Variants in DMD observed in about 807,000 individuals in gnomAD.
DMD encodes dystrophin.
In DMD, 63 loss-of-function variants were observed where a neutral mutation model predicts 330.1. That is an observed-to-expected ratio of 0.19 (90% CI 0.16 to 0.24). The LOEUF (loss-of-function observed/expected upper bound fraction) is 0.24. Among genes scored for constraint, DMD ranks in the 10% least tolerant of loss-of-function variants. The pLI, the probability that DMD is intolerant of heterozygous loss-of-function variation, is 1.00. For missense variants in DMD, 3,344 were observed against 2,684.1 expected, an observed-to-expected ratio of 1.25 and a Z score of -5.43; for synonymous variants, 1,223 against 959.8, an observed-to-expected ratio of 1.27 and a Z score of -5.07.
In DMD at chrX:32,485,734, C is replaced by CTTTTTTTTTTTTTTTTTTTTTTTT. The variant is rs5902034; in HGVS notation, c.2623-659_2623-636dup. ...CTCCTGACCAAACAGGCAACCACTG[C>CTTTTTTTTTTTTTTTTTTTTTTTT]TTTTTTTTTTTTTTTTTTTTTTTTT... is the stretch of plus-strand genomic sequence containing the variant. On this transcript the variant is annotated intron_variant, in intron 20 of 78. Transcript: ENST00000357033. Among the ~76,000 whole-genome samples the CTTTTTTTTTTTTTTTTTTTTTTTT allele has an allele frequency of 1.9e-4, 7 of 36,149 alleles. 3 individuals carry two copies. The highest frequency in any genetic ancestry group is 3.3e-4 in the Non-Finnish European group (7 of 21,467). The allele number at this position is 36,149 out of a possible 115,157, so 31.4% of individuals were successfully genotyped here.
chrX:31,957,938 C>T (rs1050718896), intron 45 of DMD, among the ~76,000 whole-genome samples: 1 of 110,857 alleles, frequency 9.0e-6, no homozygotes, highest in East Asian at 2.8e-4. Flanking sequence ...TAGTGTATTC[C>T]TTTTTTGGAG....
Position 31,449,791 on chromosome X carries a change from T to TAGATAG in DMD, c.8938-5165_8938-5164insCTATCT, listed in dbSNP as rs1164127132. 4.4e-3 allele frequency among the ~76,000 whole-genome samples: 391 copies of TAGATAG among 88,214 alleles called. 1 individual carries two copies. Among genetic ancestry groups the TAGATAG allele is most frequent in the East Asian group, 0.029 (81 of 2,765 alleles). 76.6% of individuals were successfully genotyped at this position (88,214 alleles called of 115,157 possible). A position where few individuals can be genotyped will look rare whatever the true frequency, so the allele number is the denominator to read the frequency against. On this transcript the variant is annotated intron_variant, in intron 59 of 78. Transcript: ENST00000357033. ...ATATATATATATATATATATATATATATATATAGATAGATAGATAGATAGA... is the reference window on the plus strand; with the variant it reads ...ATATATATATATATATATATATATATAGATAGATATATAGATAGATAGATAGATAGA...
intron 4 of DMD, among the ~76,000 whole-genome samples, chrX:32,826,906 C>A (rs1486205252): frequency 9.0e-6 from 1 of 110,600 alleles, no homozygotes; most frequent in Non-Finnish European, 1.9e-5. Flanking sequence ...TTGAAGCATT[C>A]CACAACATCT....
At position 33,000,991 on chromosome X, in the gene DMD, A is replaced by G. The variant is rs752523564; in HGVS notation, c.93+19148T>C. ...ATTATAAATTTACTGTGCGCTAGGC[A>G]CTCTAATTATTCCATTGTTTATTAT... On this transcript the variant is annotated intron_variant, in intron 2 of 78. Coordinates refer to ENST00000357033, the MANE Select transcript of DMD (RefSeq NM_004006.3). Among the ~76,000 whole-genome samples the G allele has an allele frequency of 2.7e-5, 3 of 111,055 alleles. No homozygotes were observed. In the South Asian group the frequency reaches 1.1e-3, roughly 42 times the overall value.
Position 32,188,658 on chromosome X carries a change from A to C in DMD, c.6438+28258T>G, listed in dbSNP as rs150974227. ...CTGTGGTTTTGATCACAATTACTTC[A>C]AAGTATAGTAGAAATCTGGAAGTGT... On this transcript the variant is annotated intron_variant, in intron 44 of 78. Transcript: ENST00000357033. 5.8e-3 allele frequency among the ~76,000 whole-genome samples: 634 copies of C among 108,808 alleles called. 7 individuals carry two copies. The highest frequency in any genetic ancestry group is 0.02 in the African/African-American group (613 of 30,077). 94.5% of individuals were successfully genotyped at this position (108,808 alleles called of 115,157 possible).
intron 67 of DMD, among the ~76,000 whole-genome samples, chrX:31,194,941 T>G (rs757273704): frequency 1.8e-5 from 2 of 111,947 alleles, no homozygotes; most frequent in South Asian, 7.5e-4. Flanking sequence ...CTAGATGTGC[T>G]TTTCCTAGAT....
At chrX:32,683,478 T>C (rs113884034) in intron 9 of DMD, among the ~76,000 whole-genome samples, 4,191 of 108,055 alleles carry the variant, frequency 0.039, 240 homozygotes, top group African/African-American at 0.14. Context: ...AAAGGATGAG[T>C]TCATGTCCTT....
At chrX:32,624,289 T>C (rs998994405) in intron 11 of DMD, among the ~76,000 whole-genome samples, 1 of 111,369 alleles carries the variant, frequency 9.0e-6, no homozygotes, top group Non-Finnish European at 1.9e-5. Flanking sequence ...TAGAATAAAG[T>C]AGTATAGGGC....
At chrX:32,910,022 A>T (rs1461167698) in intron 2 of DMD, among the ~76,000 whole-genome samples, 1 of 109,429 alleles carries the variant, frequency 9.1e-6, no homozygotes, top group African/African-American at 3.5e-5. Flanking sequence ...ATACATAGAC[A>T]GGACACATTG....
rs144718274 is a variant in DMD, at chrX:32,343,274, G to C, written c.5599C>G (p.Gln1867Glu). The part of the protein sequence containing the change: ...KHNALKDLRS[Q>E]RRKKALEISH... ...ATTTCTAGAGCCTTTTTTCTTCTTTGAGACCTCAAATCCTGTTCATGGTGC... is the reference window on the plus strand; with the variant it reads ...ATTTCTAGAGCCTTTTTTCTTCTTTCAGACCTCAAATCCTGTTCATGGTGC... The change falls in exon 40 of 79, where the codon CAA (glutamine) becomes GAA (glutamate). Residue 1867 changes from glutamine (Q) to glutamate (E), a missense_variant. By Grantham distance (29) the Gln-to-Glu change is conservative (BLOSUM62 2). Coordinates refer to ENST00000357033, the MANE Select transcript of DMD (RefSeq NM_004006.3). 66 of 1,203,454 alleles carry C rather than the reference G, an allele frequency of 5.5e-5. No homozygotes were observed. Among genetic ancestry groups the C allele is most frequent in the Non-Finnish European group, 7.1e-5 (63 of 890,626 alleles).
intron 7 of DMD, among the ~76,000 whole-genome samples, chrX:32,736,022 C>G (rs1337053586): frequency 5.4e-5 from 6 of 111,469 alleles, no homozygotes; most frequent in South Asian, 3.8e-4. Flanking sequence ...ACTCATCTGA[C>G]AAAGGGCTAA....
rs751863904 is a variant in DMD, at chrX:32,651,397, C to T, written c.961-6245G>A. Reference sequence around the variant, plus strand: ...ACCTCAGGTCATCCGCCCACCTCAGCCTCCCAAAGTGCTGGGATTACAGGT... The same window carrying T: ...ACCTCAGGTCATCCGCCCACCTCAGTCTCCCAAAGTGCTGGGATTACAGGT... On this transcript the variant is annotated intron_variant, in intron 9 of 78. Coordinates refer to ENST00000357033, the MANE Select transcript of DMD (RefSeq NM_004006.3). Among the ~76,000 whole-genome samples the T allele has an allele frequency of 8.9e-5, 10 of 111,885 alleles. No homozygotes were observed. In the South Asian group the frequency reaches 1.5e-3, roughly 17 times the overall value.
intron 29 of DMD, among the ~76,000 whole-genome samples, chrX:32,413,516 T>C (rs1011718213): frequency 1.8e-5 from 2 of 109,892 alleles, no homozygotes; most frequent in African/African-American, 3.3e-5. Flanking sequence ...TCTCTCTCTC[T>C]CCATTGTCTT....
intron 59 of DMD, among the ~76,000 whole-genome samples, chrX:31,451,183 CTTCTTTCT>C (rs374273651): frequency 2.2e-5 from 2 of 92,191 alleles, no homozygotes; most frequent in Non-Finnish European, 4.3e-5. Flanking sequence ...ATACAGGAGA[CTTCTTTCT>C]TTCTTTCTTT....
upstream of DMD, among the ~76,000 whole-genome samples, chrX:33,212,782 C>A (rs887647492): frequency 8.9e-6 from 1 of 111,744 alleles, no homozygotes; most frequent in African/African-American, 3.2e-5. Flanking sequence ...ACATTCTTTT[C>A]CCTAGGTCAC....
At chrX:31,122,220 A>G (rs1162317246) in intron 78 of DMD, among the ~76,000 whole-genome samples, 2 of 112,315 alleles carry the variant, frequency 1.8e-5, no homozygotes, top group African/African-American at 6.5e-5. Flanking sequence ...TCCCAATGTA[A>G]ATATATATCA....
In DMD at chrX:31,627,301, C is replaced by T. The variant is rs771959563; in HGVS notation, c.8217+372G>A. On this transcript the variant is annotated intron_variant, in intron 55 of 78. Transcript: ENST00000357033. ...AGTTAGCAACGCTAAATAAAACAGACAATTCATACAGATGCTTTCCCTGTA... is the reference window on the plus strand; with the variant it reads ...AGTTAGCAACGCTAAATAAAACAGATAATTCATACAGATGCTTTCCCTGTA... Among the ~76,000 whole-genome samples, 35 of 112,786 alleles carry T rather than the reference C, an allele frequency of 3.1e-4. 1 individual carries two copies. Among genetic ancestry groups the T allele is most frequent in the Admixed American group, 9.4e-5 (1 of 10,660 alleles).
chrX:33,116,011 T>A (rs1166566935), intron 1 of DMD, among the ~76,000 whole-genome samples: 2 of 105,340 alleles, frequency 1.9e-5, no homozygotes, highest in African/African-American at 7.0e-5. Context: ...CTGGCCCACA[T>A]GGTGAAACCC....
chrX:32,548,151 CTAA>C (rs2049161593), intron 16 of DMD, among the ~76,000 whole-genome samples: 1 of 111,021 alleles, frequency 9.0e-6, no homozygotes, highest in Admixed American at 9.6e-5. Context: ...CTATAAAATT[CTAA>C]TGTTTATTGA....
Sources: allele counts gnomAD v4.1 joint callset (sites outside exome capture counted in the v4.1 genomes callset), GRCh38; gene constraint gnomAD v4.1.1; transcripts MANE v1.5; gene names NCBI Gene and HGNC (gene_info 2026-07-23, HGNC 2026-07-21).